CACNA2D1: variants seen among roughly 807,000 people sequenced by gnomAD.
The protein encoded by CACNA2D1 is calcium voltage-gated channel auxiliary subunit alpha2delta 1.
A neutral mutation model predicts 171.5 loss-of-function variants in CACNA2D1; 53 were observed. The ratio of observed to expected loss-of-function variants is 0.31; its 90% CI spans 0.25 to 0.39. The LOEUF is 0.39. CACNA2D1 is among the 10% of genes least tolerant of loss of function. The pLI, the probability that CACNA2D1 is intolerant of heterozygous loss-of-function variation, is 1.00. For synonymous variants in CACNA2D1, 442 were observed against 443.1 expected (o/e 1.00, Z 0.03); for missense variants, 903 against 1,299.8 (o/e 0.69, Z 4.69).
chr7:82,322,140 AAAAAAAAAAAAAAAC>A, intron 3 of CACNA2D1, among the ~76,000 whole-genome samples: 1 of 147,530 alleles, frequency 6.8e-6, no homozygotes, highest in African/African-American at 2.5e-5. Context: ...AAAAAAAAAA[AAAAAAAAAAAAAAAC>A]AAGCTAAGCA....
At position 82,084,916 on chromosome 7, in the gene CACNA2D1, GAA is replaced by G. The variant is rs755167966; in HGVS notation, c.527-18_527-17del. 2 of 1,601,102 alleles carry G rather than the reference GAA, an allele frequency of 1.2e-6. No homozygotes were observed. The highest frequency in any genetic ancestry group is 2.2e-5 in the South Asian group (2 of 90,752). On this transcript the variant is annotated splice_polypyrimidine_tract_variant and intron_variant, in intron 6 of 38. Transcript: ENST00000356860. The stretch of plus-strand genomic sequence containing the variant: ...ACAATTGTTGCTAACAAAAAAGAGA[GAA>G]ACCATTAATTAATTCAAATTTGTAA...
At chr7:82,230,073 G>A (rs957341149) in intron 3 of CACNA2D1, among the ~76,000 whole-genome samples, 1 of 152,146 alleles carries the variant, frequency 6.6e-6, no homozygotes, top group Non-Finnish European at 1.5e-5. Context: ...TGCACATTAA[G>A]TATAAAACTT....
At chr7:82,219,497 G>A (rs1801524089) in intron 3 of CACNA2D1, among the ~76,000 whole-genome samples, 1 of 151,722 alleles carries the variant, frequency 6.6e-6, no homozygotes, top group African/African-American at 2.4e-5. Flanking sequence ...TAATATATAA[G>A]AATTAAAAGG....
chr7:82,150,376 TAA>T lies in CACNA2D1; in HGVS notation c.355-13702_355-13701del, dbSNP rs1169746944. 3.3e-4 allele frequency among the ~76,000 whole-genome samples: 49 copies of T among 149,030 alleles called. 1 individual carries two copies. Among genetic ancestry groups the T allele is most frequent in the Middle Eastern group, 6.9e-3 (2 of 290 alleles). ...TCTCATGTGAGCACCCAACAGAACT[TAA>T]AGAGCCATCTCTCTTATTCTGAAAA... On this transcript the variant is annotated intron_variant, in intron 4 of 38. Transcript: ENST00000356860.
At chr7:81,983,622 G>A (rs1033223226) in intron 22 of CACNA2D1, among the ~76,000 whole-genome samples, 1 of 152,232 alleles carries the variant, frequency 6.6e-6, no homozygotes, top group Admixed American at 6.5e-5. Flanking sequence ...AATGACGTCA[G>A]GCTATAAACA....
chr7:82,387,908 C>T (rs1286679452), intron 1 of CACNA2D1, among the ~76,000 whole-genome samples: 1 of 151,824 alleles, frequency 6.6e-6, no homozygotes, highest in Non-Finnish European at 1.5e-5. Context: ...ATGGTGAAAC[C>T]CCATCTCTAC....
chr7:82,371,423 A>T (rs1822396058), intron 1 of CACNA2D1, among the ~76,000 whole-genome samples: 1 of 152,214 alleles, frequency 6.6e-6, no homozygotes, highest in Non-Finnish European at 1.5e-5. Flanking sequence ...GATTAAAAAA[A>T]ATCTTATATA....
chr7:82,202,225 T>G (rs763646117), intron 3 of CACNA2D1, among the ~76,000 whole-genome samples: 6 of 152,184 alleles, frequency 3.9e-5, no homozygotes, highest in Admixed American at 3.9e-4. Context: ...CGCGTACCCA[T>G]GACTTGCTGG....
At chr7:82,443,332 G>C (rs745443207) in intron 1 of CACNA2D1, 33 bp downstream of exon 1, 1 of 1,567,934 alleles carries the variant, frequency 6.4e-7, no homozygotes, top group Non-Finnish European at 8.6e-7. Context: ...GGCGCCCCTC[G>C]GCCGGCGCTC....
chr7:81,963,428 C>G (rs926848920), intron 34 of CACNA2D1, among the ~76,000 whole-genome samples: 1 of 151,722 alleles, frequency 6.6e-6, no homozygotes, highest in Non-Finnish European at 1.5e-5. Context: ...GGTTTAGTTA[C>G]AACTAAACAA....
chr7:81,983,315 C>G lies in CACNA2D1; in HGVS notation c.1893G>C (p.Lys631Asn), dbSNP rs762465278. Reference sequence around the variant, plus strand: ...GTTGAGCAACAAGAAAATACTTGCCCTTCATTTTGCCCTTTTTTGCTGTGA... The same window carrying G: ...GTTGAGCAACAAGAAAATACTTGCCGTTCATTTTGCCCTTTTTTGCTGTGA... ...TQARSKKGKM[K>N]DSETLKPDNF... is the part of the protein sequence containing the mutation. The change falls in exon 23 of 39, where the codon AAG becomes AAC. Residue 631 changes from lysine to asparagine, a missense_variant and splice_region_variant. Around this residue, in one of 5 missense-constraint regions of CACNA2D1, gnomAD observed 623 missense variants for 925.5 expected, o/e 0.67. Transcript: ENST00000356860. The G allele has an allele frequency of 6.2e-7, 1 of 1,610,844 alleles. No homozygotes were observed. The highest frequency in any genetic ancestry group is 1.3e-5 in the African/African-American group (1 of 74,888).
rs1490001836 is a variant in CACNA2D1 at position 82,053,329 on chromosome 7, A to G, written c.879+7099T>C. ...AGGTTAATGCACAAATAACAAAAAT[A>G]ATGAACACGTGTTTACTTTGGATTT... On this transcript the variant is annotated intron_variant, in intron 10 of 38. Coordinates refer to ENST00000356860, the MANE Select transcript of CACNA2D1 (RefSeq NM_000722.4). 3.3e-5 allele frequency among the ~76,000 whole-genome samples: 5 copies of G among 152,072 alleles called. No homozygotes were observed. The East Asian group carries it at 9.6e-4, about 29-fold the overall frequency.
chr7:81,977,749 TTAAAC>T (rs1205381600), intron 24 of CACNA2D1, among the ~76,000 whole-genome samples: 1 of 152,126 alleles, frequency 6.6e-6, no homozygotes, highest in African/African-American at 2.4e-5. Flanking sequence ...TGGTATCTAA[TTAAAC>T]TAAAGAGTTT....
At chr7:82,387,056 TTTAA>T (rs890102264) in intron 1 of CACNA2D1, among the ~76,000 whole-genome samples, 4 of 152,216 alleles carry the variant, frequency 2.6e-5, no homozygotes, top group South Asian at 2.1e-4. Flanking sequence ...TTGTTGACTG[TTTAA>T]TTATTAATTA....
intron 3 of CACNA2D1, among the ~76,000 whole-genome samples, chr7:82,304,568 C>T (rs78479062): frequency 0.039 from 5,867 of 152,038 alleles, 165 homozygotes; most frequent in Middle Eastern, 0.082. Context: ...TGAATGGAAC[C>T]GGAGATCATT....
In CACNA2D1 at chr7:82,370,548, GGGATGGAT is replaced by G. The variant is rs372328517; in HGVS notation, c.96-20907_96-20900del. 5.8e-3 allele frequency among the ~76,000 whole-genome samples: 423 copies of G among 73,104 alleles called. 7 individuals carry two copies. Among genetic ancestry groups the G allele is most frequent in the Non-Finnish European group, 2.3e-3 (66 of 28,132 alleles). The allele number at this position is 73,104 out of a possible 152,430, so 48.0% of individuals were successfully genotyped here. On this transcript the variant is annotated intron_variant, in intron 1 of 38. Transcript: ENST00000356860. ...AAACTGGAAGAGATAGGTAAATGGA[GGGATGGAT>G]GGATGGATGGATGGATGGATGGATA...
intron 3 of CACNA2D1, among the ~76,000 whole-genome samples, chr7:82,181,408 CT>C (rs764560467): frequency 1.3e-5 from 2 of 152,196 alleles, no homozygotes; most frequent in Admixed American, 6.5e-5. Context: ...TAGAACAGTA[CT>C]TCTCAAAGTG....
intron 4 of CACNA2D1, among the ~76,000 whole-genome samples, chr7:82,137,413 G>C (rs147653127): frequency 2.0e-5 from 3 of 152,094 alleles, no homozygotes; most frequent in Non-Finnish European, 2.9e-5. Context: ...TGTCTCTGAG[G>C]CTAGTTCTAT....
intron 4 of CACNA2D1, among the ~76,000 whole-genome samples, chr7:82,153,876 T>TA (rs960031733): frequency 6.6e-6 from 1 of 151,856 alleles, no homozygotes; most frequent in African/African-American, 2.4e-5. Flanking sequence ...ACAGCACAGT[T>TA]AAAAATAAAT....
Sources: allele counts gnomAD v4.1 joint callset (sites outside exome capture counted in the v4.1 genomes callset), GRCh38; gene constraint gnomAD v4.1.1; regional missense constraint gnomAD v4.1.1; transcripts MANE v1.5; gene names NCBI Gene and HGNC (gene_info 2026-07-23, HGNC 2026-07-21).